DLG1: variants seen among roughly 807,000 people sequenced by gnomAD.
DLG1 encodes the protein discs large MAGUK scaffold protein 1.
In DLG1, 42 loss-of-function variants were observed where a neutral mutation model predicts 123.4. The observed-to-expected ratio is 0.34, with a 90% CI of 0.27 to 0.44. The LOEUF is 0.44. Ranked by LOEUF, DLG1 falls within the 20% of genes least tolerant of loss-of-function variation. The probability of loss-of-function intolerance (pLI) is 1.00; values close to 1 mark genes in which losing one functional copy is unlikely to be tolerated. For missense variants in DLG1, 942 were observed against 1,082.6 expected (o/e 0.87, Z 1.82); for synonymous variants, 317 against 356.2 (o/e 0.89, Z 1.24).
At position 197,294,921 on chromosome 3, in the gene DLG1, A is replaced by C. The variant is rs565312370; in HGVS notation, c.151+1425T>G. Reference sequence around the variant, plus strand: ...TATCTATACATATATGTATATATATATCTCTATACTGTTGCGAAAAAACAT... The same window carrying C: ...TATCTATACATATATGTATATATATCTCTCTATACTGTTGCGAAAAAACAT... On this transcript the variant is annotated intron_variant, in intron 3 of 24. Transcript: ENST00000667157. 7.2e-5 allele frequency among the ~76,000 whole-genome samples: 11 copies of C among 152,298 alleles called. No individual in the cohort carries two copies. In the South Asian group the frequency reaches 1.9e-3, roughly 26 times the overall value.
intron 4 of DLG1, among the ~76,000 whole-genome samples, chr3:197,227,770 T>A (rs551061334): frequency 1.4e-4 from 22 of 152,056 alleles, no homozygotes; most frequent in African/African-American, 5.3e-4. Context: ...GTATAAGGGG[T>A]GAGAGAGAGA....
chr3:197,105,480 T>C (rs1409954114), intron 13 of DLG1, among the ~76,000 whole-genome samples: 1 of 152,230 alleles, frequency 6.6e-6, no homozygotes, highest in Admixed American at 6.5e-5. Context: ...ATTCTTTTGG[T>C]ATAATAGGAA....
chr3:197,274,802 A>G (rs1765611598), intron 4 of DLG1, among the ~76,000 whole-genome samples: 1 of 152,220 alleles, frequency 6.6e-6, no homozygotes, highest in Non-Finnish European at 1.5e-5. Flanking sequence ...AAATGATCAG[A>G]TTAGACATTT....
chr3:197,202,749 A>C (rs753743080), intron 4 of DLG1, among the ~76,000 whole-genome samples: 1 of 152,242 alleles, frequency 6.6e-6, no homozygotes, highest in African/African-American at 2.4e-5. Flanking sequence ...TAAAAGTGCA[A>C]ACCAGAAAAC....
At chr3:197,278,175 C>T (rs6800383) in intron 4 of DLG1, among the ~76,000 whole-genome samples, 36,455 of 146,860 alleles carry the variant, frequency 0.25, 5,569 homozygotes, top group East Asian at 0.71. Context: ...CCCAGCTACT[C>T]GGGAGGCTGA....
intron 24 of DLG1, among the ~76,000 whole-genome samples, chr3:197,045,847 G>C (rs982624641): frequency 2.6e-5 from 4 of 152,162 alleles, no homozygotes; most frequent in Non-Finnish European, 5.9e-5. Flanking sequence ...TCTTGGAAGA[G>C]CATCATAGGT....
chr3:197,110,596 G>A (rs1181189292), intron 13 of DLG1, among the ~76,000 whole-genome samples: 2 of 152,028 alleles, frequency 1.3e-5, no homozygotes, highest in Non-Finnish European at 2.9e-5. Flanking sequence ...CGAAAAATAG[G>A]CATTTAAAAT....
At chr3:197,153,895 G>T (rs1308942243) in intron 5 of DLG1, among the ~76,000 whole-genome samples, 1 of 152,130 alleles carries the variant, frequency 6.6e-6, no homozygotes, top group Non-Finnish European at 1.5e-5. Context: ...CCCTGGAGAA[G>T]AAGGAGAATC....
At chr3:197,259,052 A>AG (rs1758168332) in intron 4 of DLG1, among the ~76,000 whole-genome samples, 1 of 152,186 alleles carries the variant, frequency 6.6e-6, no homozygotes, top group African/African-American at 2.4e-5. Flanking sequence ...CAGAGAGAGG[A>AG]GATAGATCAT....
chr3:197,059,965 C>A lies in DLG1; in HGVS notation c.2407G>T (p.Ala803Ser), dbSNP rs748311393. ...KHCILDVSGNAIKRLQIAQLY... is the reference protein window; with the variant it reads ...KHCILDVSGNSIKRLQIAQLY... ...TGTGCAATCTGTAATCTCTTTATGGCATTTCCAGACACATCAAGGATACAG... is the reference window on the plus strand; with the variant it reads ...TGTGCAATCTGTAATCTCTTTATGGAATTTCCAGACACATCAAGGATACAG... The change falls in exon 23 of 25, where the codon GCC (alanine) becomes TCC (serine). Residue 803 changes from alanine to serine, a missense_variant. Ala to Ser is a moderately conservative substitution (Grantham distance 99). Coordinates refer to ENST00000667157, the MANE Select transcript of DLG1 (RefSeq NM_001366207.1). 4 of 1,613,584 alleles carry A rather than the reference C, an allele frequency of 2.5e-6. No individual in the cohort carries two copies. Among genetic ancestry groups the A allele is most frequent in the Non-Finnish European group, 8.5e-7 (1 of 1,179,838 alleles).
chr3:197,291,048 G>A (rs561264036), intron 3 of DLG1, among the ~76,000 whole-genome samples: 1 of 152,044 alleles, frequency 6.6e-6, no homozygotes, highest in Non-Finnish European at 1.5e-5. Flanking sequence ...CCTGCAGAGA[G>A]GAAATGGCTT....
intron 23 of DLG1, among the ~76,000 whole-genome samples, chr3:197,057,329 G>GTCTT (rs1732437847): frequency 6.6e-6 from 1 of 152,196 alleles, no homozygotes; most frequent in African/African-American, 2.4e-5. Context: ...CAATCCTTCT[G>GTCTT]TCTTGGGCTC....
intron 1 of DLG1, chr3:197,298,041 T>G (rs1336894199): frequency 1.7e-6 from 1 of 581,338 alleles, no homozygotes; most frequent in Non-Finnish European, 2.2e-6. Context: ...CTCGCCCAGT[T>G]GCTGCCGCAC....
intron 4 of DLG1, among the ~76,000 whole-genome samples, chr3:197,200,231 C>A (rs1055135587): frequency 6.6e-6 from 1 of 151,972 alleles, no homozygotes; most frequent in Admixed American, 6.6e-5. Flanking sequence ...ATATTTAGTA[C>A]AAGGTTCTTA....
chr3:197,298,018 G>T, intron 1 of DLG1: 3 of 781,794 alleles, frequency 3.8e-6, no homozygotes, highest in Non-Finnish European at 4.7e-6. Context: ...GCTCGCCGCG[G>T]CCCCCCGGCC....
At chr3:197,257,777 G>A (rs1302437384) in intron 4 of DLG1, among the ~76,000 whole-genome samples, 1 of 152,110 alleles carries the variant, frequency 6.6e-6, no homozygotes, top group East Asian at 1.9e-4. Context: ...GTGCTTTATT[G>A]CTAACATAAG....
chr3:197,119,272 G>GA (rs1774996639), intron 12 of DLG1, 138 bp downstream of exon 12: 1 of 499,744 alleles, frequency 2.0e-6, no homozygotes, highest in Non-Finnish European at 3.2e-6. Context: ...TCCTCCTATG[G>GA]AAAAAAATTA....
At chr3:197,292,282 C>A (rs1775314367) in intron 3 of DLG1, among the ~76,000 whole-genome samples, 1 of 152,122 alleles carries the variant, frequency 6.6e-6, no homozygotes. Flanking sequence ...ATTATTCAGC[C>A]TGAAAAAGGA....
Position 197,287,241 on chromosome 3 carries a change from T to G in DLG1, c.152-4396A>C, listed in dbSNP as rs1020154836. 5.3e-5 allele frequency among the ~76,000 whole-genome samples: 8 copies of G among 152,202 alleles called. No homozygotes were observed. In the South Asian group the frequency reaches 1.5e-3, roughly 28 times the overall value. On this transcript the variant is annotated intron_variant, in intron 3 of 24. Coordinates refer to ENST00000667157, the MANE Select transcript of DLG1 (RefSeq NM_001366207.1). ...ACTTTCCACTCAATTCTTCTGTAAA[T>G]TCAAAACTGCTGAAAAAAATCTATT...
Sources: allele counts gnomAD v4.1 joint callset (sites outside exome capture counted in the v4.1 genomes callset), GRCh38; gene constraint gnomAD v4.1.1; transcripts MANE v1.5; gene names NCBI Gene and HGNC (gene_info 2026-07-23, HGNC 2026-07-21).